The following PLCH1 variants were observed in gnomAD, a reference collection of about 807,000 sequenced individuals.
PLCH1 encodes the protein 1-phosphatidylinositol 4,5-bisphosphate phosphodiesterase eta-1.
PLCH1 carries 60 observed loss-of-function variants against 126.7 expected under a neutral mutation model. The ratio of observed to expected loss-of-function variants is 0.47; its 90% confidence interval spans 0.38 to 0.59. The LOEUF (loss-of-function observed/expected upper bound fraction) is 0.59. Ranked by LOEUF, PLCH1 falls within the 20% of genes least tolerant of loss-of-function variation. The pLI is 0.00. For missense variants in PLCH1, 1,723 were observed against 2,040.0 expected, an observed-to-expected ratio of 0.84 and a Z score of 2.99; for synonymous variants, 719 against 734.9, an observed-to-expected ratio of 0.98 and a Z score of 0.35.
intron 2 of PLCH1, among the ~76,000 whole-genome samples, chr3:155,614,092 G>A (rs1373043384): frequency 6.6e-6 from 1 of 152,092 alleles, no homozygotes; most frequent in Non-Finnish European, 1.5e-5. Context: ...CCTAACCAAG[G>A]AGGTGAAAGA....
intron 2 of PLCH1, among the ~76,000 whole-genome samples, chr3:155,679,925 C>A (rs1744377387): frequency 6.6e-6 from 1 of 152,134 alleles, no homozygotes; most frequent in Non-Finnish European, 1.5e-5. Context: ...GGCCCTTTCC[C>A]CTGGCTCTGT....
intron 21 of PLCH1, among the ~76,000 whole-genome samples, chr3:155,469,491 G>T (rs1309407325): frequency 1.3e-5 from 2 of 151,484 alleles, no homozygotes; most frequent in Non-Finnish European, 3.0e-5. Flanking sequence ...CGGCAGCGAG[G>T]CTGGGGGAGG....
At chr3:155,615,611 T>A (rs1185965241) in intron 2 of PLCH1, among the ~76,000 whole-genome samples, 1 of 152,166 alleles carries the variant, frequency 6.6e-6, no homozygotes, top group African/African-American at 2.4e-5. Context: ...ATAATGGCAT[T>A]CACAGCAACC....
At chr3:155,472,923 G>C (rs1181066019) in intron 21 of PLCH1, among the ~76,000 whole-genome samples, 1 of 148,690 alleles carries the variant, frequency 6.7e-6, no homozygotes, top group Non-Finnish European at 1.5e-5. Context: ...TTGATGGGAC[G>C]TATTTCAAAA....
intron 21 of PLCH1, among the ~76,000 whole-genome samples, chr3:155,452,150 A>T (rs1331285963): frequency 1.3e-5 from 2 of 152,176 alleles, no homozygotes; most frequent in Non-Finnish European, 2.9e-5. Context: ...GTTCCACATG[A>T]CTGGGGAGGC....
intron 6 of PLCH1, among the ~76,000 whole-genome samples, chr3:155,580,711 G>C (rs991010889): frequency 1.3e-5 from 2 of 151,802 alleles, no homozygotes; most frequent in African/African-American, 4.8e-5. Flanking sequence ...TCTTTACAAA[G>C]GTACTTCTTC....
At chr3:155,511,330 C>T (rs1302395677) in intron 12 of PLCH1, among the ~76,000 whole-genome samples, 1 of 133,516 alleles carries the variant, frequency 7.5e-6, no homozygotes, top group Non-Finnish European at 1.5e-5. Context: ...GTAATTTGAT[C>T]GTCTGAAGCC....
chr3:155,596,018 T>C (rs573800235), intron 3 of PLCH1, among the ~76,000 whole-genome samples: 2 of 152,160 alleles, frequency 1.3e-5, no homozygotes, highest in African/African-American at 4.8e-5. Flanking sequence ...ACAGGGGAAG[T>C]ATTAGCATTT....
intron 2 of PLCH1, among the ~76,000 whole-genome samples, chr3:155,675,504 A>G (rs1743998752): frequency 6.6e-6 from 1 of 152,202 alleles, no homozygotes; most frequent in African/African-American, 2.4e-5. Flanking sequence ...TCTATTTTAT[A>G]GAGCTAATTA....
chr3:155,632,854 A>G (rs1341314867), intron 2 of PLCH1, among the ~76,000 whole-genome samples: 1 of 152,198 alleles, frequency 6.6e-6, no homozygotes, highest in South Asian at 2.1e-4. Flanking sequence ...TAAAAAGCTC[A>G]TTTCCAACTT....
chr3:155,625,273 C>A lies in PLCH1; in HGVS notation c.80-28895G>T, dbSNP rs182037094. Among the ~76,000 whole-genome samples, 638 of 152,156 alleles carry A rather than the reference C, an allele frequency of 4.2e-3. 1 individual carries two copies. The highest frequency in any genetic ancestry group is 7.1e-3 in the Admixed American group (108 of 15,282). On this transcript the variant is annotated intron_variant, in intron 2 of 22. Transcript: ENST00000460012. ...TGGATTAAAGACTTAAACGTAAGAT[C>A]TAAAACCATAAAAACGCTAGAAAAA... is the stretch of plus-strand genomic sequence containing the variant.
chr3:155,595,081 T>G (rs1411801776), intron 3 of PLCH1, among the ~76,000 whole-genome samples: 1 of 152,052 alleles, frequency 6.6e-6, no homozygotes, highest in Non-Finnish European at 1.5e-5. Context: ...TATAGAAAGA[T>G]AAGGCCCATT....
At chr3:155,505,482 C>A (rs1332916444) in intron 12 of PLCH1, among the ~76,000 whole-genome samples, 1 of 152,132 alleles carries the variant, frequency 6.6e-6, no homozygotes, top group Non-Finnish European at 1.5e-5. Flanking sequence ...AGAGAAGAAG[C>A]AGGTAACCAC....
At chr3:155,495,900 T>C (rs1716963965) in intron 15 of PLCH1, among the ~76,000 whole-genome samples, 1 of 152,228 alleles carries the variant, frequency 6.6e-6, no homozygotes, top group African/African-American at 2.4e-5. Context: ...AGCATACTAA[T>C]ATTGAACTTA....
At chr3:155,519,536 A>C (rs1720789917) in intron 11 of PLCH1, among the ~76,000 whole-genome samples, 1 of 152,106 alleles carries the variant, frequency 6.6e-6, no homozygotes, top group Admixed American at 6.6e-5. Context: ...AGGAAAGGGG[A>C]GAAATTGGGT....
rs2107996314 is a variant in PLCH1, at chr3:155,480,616, T to C, written c.*352A>G. The stretch of plus-strand genomic sequence containing the variant: ...CAACTCAACAGTTAGAGAGTAAAAA[T>C]GACTACATTTGTGACTGCAATCTGA... On this transcript the variant is annotated 3_prime_UTR_variant, in exon 23 of 23. Transcript: ENST00000460012. The C allele has an allele frequency of 5.3e-6, 1 of 187,018 alleles. No individual in the cohort carries two copies. Among genetic ancestry groups the C allele is most frequent in the East Asian group, 1.3e-4 (1 of 7,612 alleles). 11.6% of individuals were successfully genotyped at this position (187,018 alleles called of 1,614,324 possible). A position where few individuals can be genotyped will look rare whatever the true frequency, so the allele number is the denominator to read the frequency against.
chr3:155,669,801 T>C (rs1743215379), intron 2 of PLCH1, among the ~76,000 whole-genome samples: 1 of 152,234 alleles, frequency 6.6e-6, no homozygotes, highest in African/African-American at 2.4e-5. Flanking sequence ...CTGTTCATAC[T>C]GTTCATATTT....
intron 2 of PLCH1, among the ~76,000 whole-genome samples, chr3:155,607,150 T>G (rs568556622): frequency 2.0e-5 from 3 of 152,314 alleles, no homozygotes; most frequent in Admixed American, 2.0e-4. Context: ...AATTTAGAGT[T>G]GCCCAGCTGA....
intron 2 of PLCH1, among the ~76,000 whole-genome samples, chr3:155,638,542 T>C: frequency 1.3e-5 from 2 of 152,250 alleles, no homozygotes; most frequent in Non-Finnish European, 2.9e-5. Flanking sequence ...CAGCCAGCTG[T>C]GACTTCATTT....
Sources: allele counts gnomAD v4.1 joint callset (sites outside exome capture counted in the v4.1 genomes callset), GRCh38; gene constraint gnomAD v4.1.1; transcripts MANE v1.5; gene names NCBI Gene and HGNC (gene_info 2026-07-23, HGNC 2026-07-21).